Variants in SLC16A3 observed in about 807,000 individuals in gnomAD.
SLC16A3 encodes monocarboxylate transporter 4.
SLC16A3 carries 22 observed loss-of-function variants against 25.0 expected under a neutral mutation model. The ratio of observed to expected loss-of-function variants is 0.88; its 90% confidence interval spans 0.63 to 1.26. The LOEUF (loss-of-function observed/expected upper bound fraction) is 1.26. SLC16A3 is among the 50% of genes most tolerant of loss of function. The pLI is 0.00. For synonymous variants in SLC16A3, 390 were observed against 309.2 expected (o/e 1.26, Z -2.74); for missense variants, 731 against 666.6 (o/e 1.10, Z -1.06).
intron 1 of SLC16A3, among the ~76,000 whole-genome samples, chr17:82,218,964 GGAGA>G (rs1161236148): frequency 6.6e-6 from 1 of 152,162 alleles, no homozygotes; most frequent in African/African-American, 2.4e-5. Flanking sequence ...TGAGGATAAG[GGAGA>G]GAAAGGCTGA....
chr17:82,234,442 G>C (rs990077765), intron 1 of SLC16A3: 1 of 152,212 alleles, frequency 6.6e-6, no homozygotes, highest in Non-Finnish European at 1.5e-5. Context: ...CTCTGTGGGG[G>C]GGTCTGTTCT....
At chr17:82,221,736 G>C (rs1344232552) in intron 1 of SLC16A3, among the ~76,000 whole-genome samples, 3 of 152,080 alleles carry the variant, frequency 2.0e-5, no homozygotes, top group Admixed American at 6.6e-5. Flanking sequence ...CCACGAGCAC[G>C]GCTTTAATGA....
chr17:82,233,675 T>A (rs2050537365), intron 1 of SLC16A3: 1 of 152,270 alleles, frequency 6.6e-6, no homozygotes, highest in African/African-American at 2.4e-5. Flanking sequence ...GTTTGTTGTA[T>A]ACACATTTCC....
chr17:82,225,850 C>T (rs529835712), upstream of SLC16A3, among the ~76,000 whole-genome samples: 37 of 152,186 alleles, frequency 2.4e-4, no homozygotes, highest in Middle Eastern at 3.4e-3. Context: ...CTGATAGGTC[C>T]GGGGGCCTGT....
Position 82,237,796 on chromosome 17 carries a change from G to C in SLC16A3, c.1026G>C (p.Val342=). Residue 342 remains valine (V), a synonymous_variant, in exon 4 of 5, where the codon GTG becomes GTC. Transcript: ENST00000582743. ...YGMVGALQFE[V]LMAIVGTHKF... is the part of the protein sequence containing the mutation. ...TGGTGGGGGCCCTGCAGTTCGAGGT[G>C]CTCATGGCCATCGTGGGCACCCACA... The C allele has an allele frequency of 6.2e-7, 1 of 1,611,156 alleles. No individual in the cohort carries two copies. The highest frequency in any genetic ancestry group is 8.5e-7 in the Non-Finnish European group (1 of 1,179,946).
At chr17:82,219,762 G>C (rs1020526018) in intron 1 of SLC16A3, among the ~76,000 whole-genome samples, 5 of 152,146 alleles carry the variant, frequency 3.3e-5, no homozygotes, top group Non-Finnish European at 7.4e-5. Context: ...GCTGAGAAGG[G>C]TGGCTACAGG....
At chr17:82,220,263 T>C (rs2147105651) in intron 1 of SLC16A3, among the ~76,000 whole-genome samples, 2 of 152,274 alleles carry the variant, frequency 1.3e-5, no homozygotes, top group East Asian at 3.9e-4. Context: ...TCCTGCTCCA[T>C]GTCTACCACT....
chr17:82,223,956 A>G (rs1164585227), upstream of SLC16A3, among the ~76,000 whole-genome samples: 1 of 151,498 alleles, frequency 6.6e-6, no homozygotes, highest in Admixed American at 6.6e-5. Flanking sequence ...GCACACCTAC[A>G]CCCCAACACC....
intron 1 of SLC16A3, among the ~76,000 whole-genome samples, chr17:82,220,385 C>A (rs573379557): frequency 6.6e-6 from 1 of 152,320 alleles, no homozygotes; most frequent in South Asian, 2.1e-4. Context: ...CCCAGGGCAA[C>A]CTCTGGCCTC....
In SLC16A3 at chr17:82,238,842, G is replaced by A. The variant is rs1327921135; in HGVS notation, c.1264G>A (p.Ala422Thr). Residue 422 changes from alanine to threonine, a missense_variant, in exon 5 of 5, where the codon GCG (alanine) becomes ACG (threonine). Coordinates refer to ENST00000582743, the MANE Select transcript of SLC16A3 (RefSeq NM_004207.4). ...KKPKEPQPEV[A>T]AAEEEKLHKP... Reference sequence around the variant, plus strand: ...GCCCAAAGAGCCACAGCCTGAGGTGGCGGCCGCGGAGGAGGAGAAGCTCCA... The same window carrying A: ...GCCCAAAGAGCCACAGCCTGAGGTGACGGCCGCGGAGGAGGAGAAGCTCCA... The A allele has an allele frequency of 6.2e-7, 1 of 1,612,628 alleles. No individual in the cohort carries two copies.
Position 82,238,754 on chromosome 17 carries a change from G to T in SLC16A3, c.1176G>T (p.Gly392=). Residue 392 remains glycine (G), a synonymous_variant, in exon 5 of 5, where the codon GGG becomes GGT. Coordinates refer to ENST00000582743, the MANE Select transcript of SLC16A3 (RefSeq NM_004207.4). Reference sequence around the variant, plus strand: ...ACATGTACGTGTTCATCCTGGCGGGGGCCGAGGTGCTCACCTCCTCCCTGA... The same window carrying T: ...ACATGTACGTGTTCATCCTGGCGGGTGCCGAGGTGCTCACCTCCTCCCTGA... ...HVYMYVFILA[G]AEVLTSSLIL... The T allele has an allele frequency of 6.2e-7, 1 of 1,612,636 alleles. No homozygotes were observed. The highest frequency in any genetic ancestry group is 8.5e-7 in the Non-Finnish European group (1 of 1,179,916).
intron 2 of SLC16A3, 85 bp from the exon 3 acceptor site, chr17:82,236,644 G>C: frequency 6.5e-7 from 1 of 1,537,310 alleles, no homozygotes; most frequent in Non-Finnish European, 8.8e-7. Flanking sequence ...GGAAGGGGAG[G>C]CCGGCTCCAG....
chr17:82,239,731 G>A lies in SLC16A3; in HGVS notation c.*755G>A. 2.6e-6 allele frequency: 1 copy of A among 382,402 alleles called. No individual in the cohort carries two copies. Among genetic ancestry groups the A allele is most frequent in the Non-Finnish European group, 4.6e-6 (1 of 216,052 alleles). The allele number at this position is 382,402 out of a possible 1,614,324, so 23.7% of individuals were successfully genotyped here. On this transcript the variant is annotated 3_prime_UTR_variant, in exon 5 of 5. Transcript: ENST00000582743. ...GTGGTGGTTAGATGGGAGCTGAGGT[G>A]GAACAAGCCACTTTATTCACTGCTG...
upstream of SLC16A3, among the ~76,000 whole-genome samples, chr17:82,227,179 A>G (rs560415847): frequency 1.6e-3 from 240 of 152,214 alleles, no homozygotes; most frequent in Middle Eastern, 6.8e-3. Context: ...CCCTGGAGGG[A>G]TGACTGGGCG....
rs752688167 is a variant in SLC16A3, at chr17:82,236,784, G to C, written c.279G>C (p.Val93=). The C allele has an allele frequency of 6.2e-7, 1 of 1,608,976 alleles. No homozygotes were observed. The highest frequency in any genetic ancestry group is 1.3e-5 in the African/African-American group (1 of 75,052). ...NRFGCRPVML[V]GGLFASLGMV... Reference sequence around the variant, plus strand: ...TTGGCTGCCGGCCCGTCATGCTTGTGGGGGGTCTCTTTGCGTCGCTGGGCA... The same window carrying C: ...TTGGCTGCCGGCCCGTCATGCTTGTCGGGGGTCTCTTTGCGTCGCTGGGCA... The change falls in exon 3 of 5, where the codon GTG becomes GTC. Residue 93 remains valine (V), a synonymous_variant. Transcript: ENST00000582743.
chr17:82,225,202 T>C (rs765909768), upstream of SLC16A3, among the ~76,000 whole-genome samples: 1 of 151,994 alleles, frequency 6.6e-6, no homozygotes, highest in Non-Finnish European at 1.5e-5. Context: ...GCAGAGGTTG[T>C]GGTGACCCAA....
At chr17:82,224,404 G>A (rs55892069), upstream of SLC16A3, among the ~76,000 whole-genome samples, 4 of 114,484 alleles carry the variant, frequency 3.5e-5, no homozygotes, top group East Asian at 2.4e-4. Context: ...CCCTACACCC[G>A]TGCAGACACA....
At chr17:82,224,086 G>A (rs574037954), upstream of SLC16A3, among the ~76,000 whole-genome samples, 33 of 136,588 alleles carry the variant, frequency 2.4e-4, no homozygotes, top group African/African-American at 8.8e-4. Context: ...ACAGACACCT[G>A]TGCAGACACA....
At chr17:82,219,650 C>G (rs1282063968) in intron 1 of SLC16A3, among the ~76,000 whole-genome samples, 1 of 152,122 alleles carries the variant, frequency 6.6e-6, no homozygotes, top group Non-Finnish European at 1.5e-5. Context: ...TGCTCCCCCA[C>G]TGCTTGGCCC....
Sources: allele counts gnomAD v4.1 joint callset (sites outside exome capture counted in the v4.1 genomes callset), GRCh38; gene constraint gnomAD v4.1.1; transcripts MANE v1.5; gene names NCBI Gene and HGNC (gene_info 2026-07-23, HGNC 2026-07-21).